LTBP1: variants seen among roughly 807,000 people sequenced by gnomAD.
The protein encoded by LTBP1 is latent transforming growth factor beta binding protein 1.
A neutral mutation model predicts 207.6 loss-of-function variants in LTBP1; 129 were observed. The ratio of observed to expected loss-of-function variants is 0.62; its 90% CI spans 0.54 to 0.72. The LOEUF (loss-of-function observed/expected upper bound fraction) is 0.72, where lower values mean the gene tolerates loss of function less well. LTBP1 is among the 30% of genes least tolerant of loss of function. LTBP1 has a pLI of 0.00. For missense variants in LTBP1, 2,281 were observed against 2,217.2 expected, an observed-to-expected ratio of 1.03 and a Z score of -0.58; for synonymous variants, 963 against 833.7, an observed-to-expected ratio of 1.16 and a Z score of -2.67.
In LTBP1 at chr2:32,948,786, G is replaced by T. The variant is rs1676659145; in HGVS notation, c.495-89G>T. On this transcript the variant is annotated intron_variant, in intron 1 of 33. Transcript: ENST00000404816. Reference sequence around the variant, plus strand: ...CATCCAGAGGGTTGCAGAAGCTGGAGGCTGGCCTTTCTGGAACATGCTGGA... The same window carrying T: ...CATCCAGAGGGTTGCAGAAGCTGGATGCTGGCCTTTCTGGAACATGCTGGA... The T allele has an allele frequency of 6.5e-6, 8 of 1,229,586 alleles. No homozygotes were observed. The Admixed American group carries it at 1.3e-4, about 21-fold the overall frequency. 76.2% of individuals were successfully genotyped at this position (1,229,586 alleles called of 1,614,324 possible).
intron 10 of LTBP1, among the ~76,000 whole-genome samples, chr2:33,249,323 T>TCATACA (rs2092611351): frequency 7.1e-6 from 1 of 141,316 alleles, no homozygotes; most frequent in Non-Finnish European, 1.5e-5. Context: ...GTCTGATTTT[T>TCATACA]CACACACACA....
chr2:33,238,716 A>G (rs1215640682), intron 9 of LTBP1, among the ~76,000 whole-genome samples: 1 of 152,182 alleles, frequency 6.6e-6, no homozygotes, highest in Non-Finnish European at 1.5e-5. Context: ...TTTTAGAAAT[A>G]TGGCCTTGGA....
intron 5 of LTBP1, among the ~76,000 whole-genome samples, chr2:33,147,124 ATAT>A (rs1275141335): frequency 6.6e-6 from 1 of 152,202 alleles, no homozygotes; most frequent in African/African-American, 2.4e-5. Flanking sequence ...AGTACTGGTA[ATAT>A]TATACAACAG....
intron 4 of LTBP1, among the ~76,000 whole-genome samples, chr2:33,113,220 T>C (rs2080517100): frequency 6.6e-6 from 1 of 152,200 alleles, no homozygotes; most frequent in African/African-American, 2.4e-5. Context: ...CCAGTTGGTA[T>C]GTTTAATATT....
At chr2:33,200,787 A>C (rs1016643895) in intron 7 of LTBP1, among the ~76,000 whole-genome samples, 3 of 149,438 alleles carry the variant, frequency 2.0e-5, no homozygotes, top group Non-Finnish European at 1.5e-5. Context: ...CAAGAAAAAA[A>C]CAAACAACCC....
At chr2:33,355,970 GGC>G (rs2094853433) in intron 26 of LTBP1, among the ~76,000 whole-genome samples, 1 of 151,138 alleles carries the variant, frequency 6.6e-6, no homozygotes, top group East Asian at 1.9e-4. Context: ...TGACTGCTTT[GGC>G]ATGTTTTACC....
At chr2:33,011,082 A>G (rs1364659220) in intron 2 of LTBP1, among the ~76,000 whole-genome samples, 6 of 152,136 alleles carry the variant, frequency 3.9e-5, no homozygotes, top group Non-Finnish European at 7.3e-5. Context: ...ATTGGTTGTG[A>G]TACTGCAGTG....
intron 7 of LTBP1, among the ~76,000 whole-genome samples, chr2:33,209,063 G>A (rs2149247667): frequency 6.6e-6 from 1 of 151,980 alleles, no homozygotes; most frequent in East Asian, 1.9e-4. Flanking sequence ...AGTAGAGACT[G>A]GGTTTCACCA....
intron 3 of LTBP1, among the ~76,000 whole-genome samples, chr2:33,060,190 T>TCC (rs2077195357): frequency 6.6e-6 from 1 of 151,426 alleles, no homozygotes; most frequent in Non-Finnish European, 1.5e-5. Flanking sequence ...GTTAGCTTAC[T>TCC]CTGTTGCAGG....
At chr2:33,392,549 G>C (rs1443921370) in intron 32 of LTBP1, among the ~76,000 whole-genome samples, 1 of 152,110 alleles carries the variant, frequency 6.6e-6, no homozygotes, top group Non-Finnish European at 1.5e-5. Flanking sequence ...CAACTCTACT[G>C]TAGTTTCACA....
chr2:33,248,232 A>T (rs1416661804), intron 10 of LTBP1, among the ~76,000 whole-genome samples: 1 of 152,232 alleles, frequency 6.6e-6, no homozygotes, highest in African/African-American at 2.4e-5. Context: ...AATGCCAGGC[A>T]CTGTGCTAAG....
At chr2:32,988,386 A>G (rs1359060625) in intron 2 of LTBP1, among the ~76,000 whole-genome samples, 1 of 152,186 alleles carries the variant, frequency 6.6e-6, no homozygotes, top group Non-Finnish European at 1.5e-5. Flanking sequence ...TGAGACTTTC[A>G]AGATGGCAGT....
intron 19 of LTBP1, among the ~76,000 whole-genome samples, chr2:33,287,990 G>A (rs1345316564): frequency 1.3e-5 from 2 of 152,166 alleles, no homozygotes; most frequent in Non-Finnish European, 2.9e-5. Context: ...AGGAGTCGCT[G>A]GAGTAATGAC....
intron 5 of LTBP1, among the ~76,000 whole-genome samples, chr2:33,161,499 C>T (rs901770200): frequency 6.6e-6 from 1 of 152,150 alleles, no homozygotes; most frequent in African/African-American, 2.4e-5. Flanking sequence ...TAACTCCTGA[C>T]CTCGTGATCC....
chr2:33,158,137 C>CCA (rs2084135793), intron 5 of LTBP1, among the ~76,000 whole-genome samples: 1 of 46,818 alleles, frequency 2.1e-5, no homozygotes, highest in Admixed American at 2.3e-4. Context: ...ACTCTTGTCT[C>CCA]AAAAAAAAAA....
chr2:33,382,136 C>T (rs2095223219), intron 31 of LTBP1, among the ~76,000 whole-genome samples: 1 of 117,552 alleles, frequency 8.5e-6, no homozygotes, highest in Non-Finnish European at 1.6e-5. Context: ...GCTCTGTTGC[C>T]CAGGCTGGAG....
At chr2:33,139,236 T>C (rs551919627) in intron 5 of LTBP1, among the ~76,000 whole-genome samples, 66 of 152,224 alleles carry the variant, frequency 4.3e-4, no homozygotes, top group African/African-American at 1.6e-3. Flanking sequence ...AATTGGCAAA[T>C]ATGAGCCCTG....
intron 3 of LTBP1, among the ~76,000 whole-genome samples, chr2:33,068,603 C>T (rs2077634881): frequency 6.6e-6 from 1 of 152,108 alleles, no homozygotes; most frequent in African/African-American, 2.4e-5. Context: ...ATTCATTCTT[C>T]CTTCTCCCCT....
intron 26 of LTBP1, among the ~76,000 whole-genome samples, chr2:33,350,498 A>G (rs980006576): frequency 2.0e-5 from 3 of 152,212 alleles, no homozygotes; most frequent in African/African-American, 7.2e-5. Context: ...AAGAGCACCC[A>G]CTTCCAGCAG....
Sources: allele counts gnomAD v4.1 joint callset (sites outside exome capture counted in the v4.1 genomes callset), GRCh38; gene constraint gnomAD v4.1.1; transcripts MANE v1.5; gene names NCBI Gene and HGNC (gene_info 2026-07-23, HGNC 2026-07-21).